The following ZFHX3 variants were observed in gnomAD, a reference collection of about 807,000 sequenced individuals.
The protein encoded by ZFHX3 is zinc finger homeobox protein 3.
A neutral mutation model predicts 279.1 loss-of-function variants in ZFHX3; 42 were observed. The ratio of observed to expected loss-of-function variants is 0.15; its 90% CI spans 0.12 to 0.19. The LOEUF (loss-of-function observed/expected upper bound fraction) is 0.19. Among genes scored for constraint, ZFHX3 ranks in the 10% least tolerant of loss-of-function variants. The pLI is 1.00. For synonymous variants in ZFHX3, 2,293 were observed against 1,957.8 expected, an observed-to-expected ratio of 1.17 and a Z score of -4.52; for missense variants, 4,981 against 4,754.0, an observed-to-expected ratio of 1.05 and a Z score of -1.40.
intron 4 of ZFHX3, among the ~76,000 whole-genome samples, chr16:73,273,621 G>A (rs750914459): frequency 3.9e-5 from 6 of 152,012 alleles, no homozygotes; most frequent in Admixed American, 1.3e-4. Context: ...AGATGTTTCC[G>A]CATCAGTTTT....
At chr16:72,946,816 G>A (rs1368265728) in intron 3 of ZFHX3, among the ~76,000 whole-genome samples, 1 of 152,204 alleles carries the variant, frequency 6.6e-6, no homozygotes, top group Non-Finnish European at 1.5e-5. Context: ...TGAGAGTGGG[G>A]CCAGGGTGTA....
At chr16:73,590,799 T>C (rs1434452299) in intron 2 of ZFHX3, among the ~76,000 whole-genome samples, 1 of 152,194 alleles carries the variant, frequency 6.6e-6, no homozygotes, top group Non-Finnish European at 1.5e-5. Flanking sequence ...AGTGAGCTAA[T>C]GGATCAAGGT....
At chr16:73,084,514 ATTTTTTTTTTTTT>A (rs34134596) in intron 8 of ZFHX3, among the ~76,000 whole-genome samples, 1 of 92,660 alleles carries the variant, frequency 1.1e-5, no homozygotes, top group Non-Finnish European at 2.1e-5. Context: ...CTAGGACTAA[ATTTTTTTTTTTTT>A]TTTTTTTTTT....
At chr16:73,878,397 A>G (rs1330485162) in intron 1 of ZFHX3, among the ~76,000 whole-genome samples, 1 of 152,146 alleles carries the variant, frequency 6.6e-6, no homozygotes, top group African/African-American at 2.4e-5. Flanking sequence ...AGAAGAACCT[A>G]TTGTATCTGA....
intron 1 of ZFHX3, among the ~76,000 whole-genome samples, chr16:73,867,061 A>C (rs1276734802): frequency 1.3e-5 from 2 of 152,030 alleles, no homozygotes; most frequent in Non-Finnish European, 1.5e-5. Flanking sequence ...ATAGACTGAG[A>C]AACAGAGACC....
At chr16:73,527,186 G>T (rs542598755) in intron 2 of ZFHX3, among the ~76,000 whole-genome samples, 1 of 151,976 alleles carries the variant, frequency 6.6e-6, no homozygotes, top group African/African-American at 2.4e-5. Context: ...TAGTTTTTTT[G>T]ATTTCCCAGA....
chr16:73,589,304 C>T (rs1452889178), intron 2 of ZFHX3, among the ~76,000 whole-genome samples: 1 of 132,974 alleles, frequency 7.5e-6, no homozygotes, highest in African/African-American at 2.8e-5. Flanking sequence ...GGTGTGGTGG[C>T]ATGCACCTGT....
chr16:73,759,452 G>A (rs1052224709), intron 1 of ZFHX3, among the ~76,000 whole-genome samples: 3 of 152,138 alleles, frequency 2.0e-5, no homozygotes, highest in East Asian at 1.9e-4. Context: ...AAGGGAAGCT[G>A]AGAAATGTAC....
chr16:73,133,321 A>G (rs920147347), intron 6 of ZFHX3, among the ~76,000 whole-genome samples: 3 of 152,348 alleles, frequency 2.0e-5, no homozygotes, highest in Middle Eastern at 3.4e-3. Context: ...CAGGAGTTCA[A>G]GACCAGCCTG....
intron 4 of ZFHX3, among the ~76,000 whole-genome samples, chr16:73,303,512 T>C (rs1024441149): frequency 2.6e-5 from 4 of 152,126 alleles, no homozygotes; most frequent in Admixed American, 6.5e-5. Context: ...TGGAGACTCA[T>C]TTAAAAACAG....
intron 1 of ZFHX3, among the ~76,000 whole-genome samples, chr16:73,721,841 T>A (rs114163391): frequency 0.017 from 2,620 of 152,234 alleles, 77 homozygotes; most frequent in African/African-American, 0.06. Flanking sequence ...GCCCAGGAGT[T>A]CGAGAACAGC....
intron 5 of ZFHX3, among the ~76,000 whole-genome samples, chr16:73,219,775 C>A (rs1319940617): frequency 6.6e-6 from 1 of 152,126 alleles, no homozygotes; most frequent in Non-Finnish European, 1.5e-5. Context: ...GGAAACTGGG[C>A]AAGACTTCTT....
At chr16:72,978,839 G>A (rs886325930) in intron 1 of ZFHX3, among the ~76,000 whole-genome samples, 9 of 152,234 alleles carry the variant, frequency 5.9e-5, no homozygotes, top group South Asian at 2.1e-4. Flanking sequence ...TCATAGAGAT[G>A]ATCCTGAAGG....
At chr16:73,334,264 A>G (rs1022832114) in intron 3 of ZFHX3, among the ~76,000 whole-genome samples, 1 of 151,984 alleles carries the variant, frequency 6.6e-6, no homozygotes. Flanking sequence ...CTGAGCAGGG[A>G]GAAGAGGCTG....
intron 1 of ZFHX3, among the ~76,000 whole-genome samples, chr16:73,859,391 G>A (rs1426588248): frequency 6.6e-6 from 1 of 152,190 alleles, no homozygotes; most frequent in Non-Finnish European, 1.5e-5. Flanking sequence ...AGAAAGAAGT[G>A]GCCCTCCCTT....
At chr16:73,049,995 A>C (rs912284252), upstream of ZFHX3, among the ~76,000 whole-genome samples, 1 of 152,208 alleles carries the variant, frequency 6.6e-6, no homozygotes, top group African/African-American at 2.4e-5. Flanking sequence ...GCCTCTGGCA[A>C]TCTCTCCGGA....
In ZFHX3 at chr16:72,956,324, T is replaced by C. The variant is rs117383381; in HGVS notation, c.2719+1103A>G. Among the ~76,000 whole-genome samples the C allele has an allele frequency of 1.1e-4, 17 of 152,318 alleles. 1 individual carries two copies. The East Asian group carries it at 1.7e-3, about 16-fold the overall frequency. On this transcript the variant is annotated intron_variant, in intron 2 of 9. Coordinates refer to ENST00000268489, the MANE Select transcript of ZFHX3 (RefSeq NM_006885.4). ...TCCCATGTCAATAATGGCATATTGC[T>C]TAATTCAGGCCATTGTCACTGGTCC...
At chr16:72,900,578 C>T (rs767607262) in intron 3 of ZFHX3, among the ~76,000 whole-genome samples, 20 of 152,212 alleles carry the variant, frequency 1.3e-4, no homozygotes, top group Non-Finnish European at 2.1e-4. Flanking sequence ...GATGTTGCTT[C>T]GTCGCTTCTG....
At chr16:73,092,289 C>T (rs1966093029) in intron 8 of ZFHX3, 1 of 152,198 alleles carries the variant, frequency 6.6e-6, no homozygotes, top group South Asian at 2.1e-4. Context: ...TAAAGTCTTG[C>T]ATCACATAGA....
Sources: allele counts gnomAD v4.1 joint callset (sites outside exome capture counted in the v4.1 genomes callset), GRCh38; gene constraint gnomAD v4.1.1; transcripts MANE v1.5; gene names NCBI Gene and HGNC (gene_info 2026-07-23, HGNC 2026-07-21).